Variants in COG5 observed in about 807,000 individuals in gnomAD.
COG5 encodes the protein conserved oligomeric Golgi complex subunit 5.
Under a neutral mutation model 110.4 loss-of-function variants are expected in COG5, and 86 were observed. That is an observed-to-expected ratio of 0.78 (90% CI 0.65 to 0.93). The LOEUF (loss-of-function observed/expected upper bound fraction) is 0.93, where lower values mean the gene tolerates loss of function less well. Ranked by LOEUF, COG5 falls within the 40% of genes least tolerant of loss-of-function variation. COG5 has a pLI of 0.00. For synonymous variants in COG5, 360 were observed against 334.6 expected (o/e 1.08, Z -0.83); for missense variants, 1,077 against 987.0 (o/e 1.09, Z -1.22).
chr7:107,399,182 A>G (rs1791241609), intron 7 of COG5, among the ~76,000 whole-genome samples: 1 of 152,136 alleles, frequency 6.6e-6, no homozygotes, highest in African/African-American at 2.4e-5. Flanking sequence ...AACCTGGGTG[A>G]CAGAGCGAGA....
At position 107,203,368 on chromosome 7, in the gene COG5, A is replaced by G. The variant is rs559846037; in HGVS notation, c.*148T>C. The G allele has an allele frequency of 1.1e-4, 76 of 691,920 alleles. No individual in the cohort carries two copies. In the African/African-American group the frequency reaches 1.3e-3, roughly 11 times the overall value. The allele number at this position is 691,920 out of a possible 1,614,324, so 42.9% of individuals were successfully genotyped here. On this transcript the variant is annotated 3_prime_UTR_variant, in exon 22 of 22. Coordinates refer to ENST00000297135, the MANE Select transcript of COG5 (RefSeq NM_006348.5). ...TTTTTTATGCTAAAGTATAAGTGCTAAAGAGGTAAATAAACGTCGATAGGA... is the reference window on the plus strand; with the variant it reads ...TTTTTTATGCTAAAGTATAAGTGCTGAAGAGGTAAATAAACGTCGATAGGA...
At chr7:107,465,257 T>C (rs1278561974) in intron 6 of COG5, among the ~76,000 whole-genome samples, 1 of 152,172 alleles carries the variant, frequency 6.6e-6, no homozygotes, top group African/African-American at 2.4e-5. Flanking sequence ...GACTAATATA[T>C]GAATTTAGTA....
At chr7:107,298,962 G>A (rs1004166033) in intron 11 of COG5, among the ~76,000 whole-genome samples, 1 of 152,000 alleles carries the variant, frequency 6.6e-6, no homozygotes, top group Admixed American at 6.6e-5. Context: ...AAATCAAAAG[G>A]GAAATGAGAA....
chr7:107,304,540 T>C (rs1027075215), intron 11 of COG5, among the ~76,000 whole-genome samples: 1 of 152,194 alleles, frequency 6.6e-6, no homozygotes, highest in African/African-American at 2.4e-5. Context: ...CCCTTGGAGT[T>C]ATATCAGCCT....
chr7:107,203,575 C>T lies in COG5; in HGVS notation c.2431G>A (p.Ala811Thr), dbSNP rs1363706117. 3.1e-6 allele frequency: 5 copies of T among 1,614,116 alleles called. No homozygotes were observed. Among genetic ancestry groups the T allele is most frequent in the Non-Finnish European group, 4.2e-6 (5 of 1,179,982 alleles). The change falls in exon 22 of 22, where the codon GCA (alanine) becomes ACA (threonine). Residue 811 changes from alanine to threonine, a missense_variant. Physicochemically the swap from Ala to Thr is moderately conservative, Grantham distance 58 (BLOSUM62 0). Coordinates refer to ENST00000297135, the MANE Select transcript of COG5 (RefSeq NM_006348.5). ...TGAACCATTATGGGATAAACTGGTG[C>T]AAATTCTTTGCCTTCTCTACTTCTC... ...SVRSREGKEF[A>T]PVYPIMVQLL...
chr7:107,542,768 G>A (rs925425687), intron 5 of COG5, among the ~76,000 whole-genome samples: 12 of 152,104 alleles, frequency 7.9e-5, no homozygotes, highest in East Asian at 3.9e-4. Context: ...TCAGGAGTTC[G>A]AGACCAGCTT....
chr7:107,364,702 CTG>C (rs780429451), intron 8 of COG5, among the ~76,000 whole-genome samples: 2 of 152,162 alleles, frequency 1.3e-5, no homozygotes, highest in African/African-American at 2.4e-5. Context: ...ACCAGAGGGA[CTG>C]TGTGTGTCAA....
At chr7:107,322,956 C>G (rs148886825) in intron 11 of COG5, among the ~76,000 whole-genome samples, 1 of 152,200 alleles carries the variant, frequency 6.6e-6, no homozygotes, top group African/African-American at 2.4e-5. Context: ...ATAATGCATA[C>G]TATATGATTC....
At chr7:107,216,044 A>C (rs79685727) in intron 19 of COG5, among the ~76,000 whole-genome samples, 2 of 152,110 alleles carry the variant, frequency 1.3e-5, no homozygotes, top group African/African-American at 4.8e-5. Context: ...ACAAAGAATA[A>C]AAGTGAAAGT....
rs1346256304 is a variant in COG5, at chr7:107,448,168, A to G, written c.539-35536T>C. 2.6e-5 allele frequency among the ~76,000 whole-genome samples: 4 copies of G among 152,046 alleles called. No individual in the cohort carries two copies. The East Asian group carries it at 7.7e-4, about 29-fold the overall frequency. On this transcript the variant is annotated intron_variant, in intron 6 of 21. Transcript: ENST00000297135. ...AAGACTCTGTCTCAAAAATAATAAT[A>G]ATATTCTTACTGACACCCTCCTCCC...
At chr7:107,477,329 C>A (rs550292382) in intron 6 of COG5, among the ~76,000 whole-genome samples, 1 of 151,596 alleles carries the variant, frequency 6.6e-6, no homozygotes, top group Admixed American at 6.6e-5. Context: ...AAAAATTAGA[C>A]TATTTTTAGA....
At chr7:107,292,226 G>C (rs1375466522) in intron 12 of COG5, among the ~76,000 whole-genome samples, 1 of 151,996 alleles carries the variant, frequency 6.6e-6, no homozygotes, top group East Asian at 1.9e-4. Flanking sequence ...TTGTAGAGAC[G>C]GGGTCTGTTT....
intron 10 of COG5, among the ~76,000 whole-genome samples, chr7:107,353,733 T>C (rs56726619): frequency 0.019 from 2,837 of 152,264 alleles, 87 homozygotes; most frequent in African/African-American, 0.063. Context: ...CCAGATATAA[T>C]TGGTCAAGTT....
intron 10 of COG5, among the ~76,000 whole-genome samples, chr7:107,359,148 C>T (rs1260319856): frequency 6.6e-6 from 1 of 152,196 alleles, no homozygotes; most frequent in Non-Finnish European, 1.5e-5. Flanking sequence ...CCCAGGCATC[C>T]CTGTGTTCTT....
At chr7:107,461,905 GAAA>G (rs1348847409) in intron 6 of COG5, among the ~76,000 whole-genome samples, 1 of 152,094 alleles carries the variant, frequency 6.6e-6, no homozygotes, top group Non-Finnish European at 1.5e-5. Context: ...AATAAGTGGA[GAAA>G]TATACCATGT....
chr7:107,357,112 T>C (rs2129044129), intron 10 of COG5, among the ~76,000 whole-genome samples: 1 of 152,314 alleles, frequency 6.6e-6, no homozygotes. Flanking sequence ...AAAGGTTCTA[T>C]TGCCAATGAT....
At chr7:107,426,322 CA>C (rs1297945433) in intron 6 of COG5, among the ~76,000 whole-genome samples, 2 of 152,164 alleles carry the variant, frequency 1.3e-5, no homozygotes, top group Non-Finnish European at 2.9e-5. Flanking sequence ...AGGCACACAG[CA>C]GTTAATTAAC....
At chr7:107,294,028 C>T (rs1230618375) in intron 12 of COG5, among the ~76,000 whole-genome samples, 2 of 152,092 alleles carry the variant, frequency 1.3e-5, no homozygotes, top group African/African-American at 2.4e-5. Context: ...GCAGATATCA[C>T]ACCACTGCAC....
At chr7:107,556,916 G>A (rs1261713435) in intron 2 of COG5, among the ~76,000 whole-genome samples, 2 of 151,812 alleles carry the variant, frequency 1.3e-5, no homozygotes, top group Non-Finnish European at 2.9e-5. Flanking sequence ...GATTACAGGC[G>A]CCCACCACCA....
Sources: gnomAD v4.1 joint callset for allele counts (sites outside exome capture counted in the v4.1 genomes callset) on GRCh38, gnomAD v4.1.1 for gene constraint, MANE v1.5 for transcripts, NCBI Gene and HGNC (gene_info 2026-07-23, HGNC 2026-07-21) for gene names.